Variants in TMEM178B observed in about 807,000 individuals in gnomAD.
TMEM178B encodes transmembrane protein 178B.
TMEM178B carries 5 observed loss-of-function variants against 31.0 expected under a neutral mutation model. That is an observed-to-expected ratio of 0.16 (90% CI 0.08 to 0.34). TMEM178B has a LOEUF of 0.34. Among genes scored for constraint, TMEM178B ranks in the 10% least tolerant of loss-of-function variants. The pLI is 1.00. For synonymous variants in TMEM178B, 164 were observed against 164.0 expected, an observed-to-expected ratio of 1.00 and a Z score of 0.00; for missense variants, 275 against 400.3, an observed-to-expected ratio of 0.69 and a Z score of 2.67.
At chr7:141,261,541 T>C (rs1006386396) in intron 2 of TMEM178B, among the ~76,000 whole-genome samples, 3 of 152,010 alleles carry the variant, frequency 2.0e-5, no homozygotes, top group Non-Finnish European at 4.4e-5. Flanking sequence ...TCGTTAGTCA[T>C]ATATGGTTTC....
Position 141,344,589 on chromosome 7 carries a change from T to C in TMEM178B, c.497-93019T>C, listed in dbSNP as rs1445408063. On this transcript the variant is annotated intron_variant, in intron 2 of 3. Transcript: ENST00000565468. The surrounding 1 kb of genome is among the most constrained non-coding windows in gnomAD (Gnocchi z 4.1). Reference sequence around the variant, plus strand: ...CCTCCCTCCTCCCTTCCTTCCTTCCTTCCTTCCTTCCTTCCTTCCTTCCTT... The same window carrying C: ...CCTCCCTCCTCCCTTCCTTCCTTCCCTCCTTCCTTCCTTCCTTCCTTCCTT... 3.2e-5 allele frequency among the ~76,000 whole-genome samples: 4 copies of C among 126,836 alleles called. No homozygotes were observed. The highest frequency in any genetic ancestry group is 6.4e-5 in the African/African-American group (2 of 31,410). 83.2% of individuals were successfully genotyped at this position (126,836 alleles called of 152,430 possible).
At chr7:141,183,201 GA>G (rs1796557951) in intron 1 of TMEM178B, among the ~76,000 whole-genome samples, 1 of 152,154 alleles carries the variant, frequency 6.6e-6, no homozygotes, top group Non-Finnish European at 1.5e-5. Flanking sequence ...ACCTCTTCCA[GA>G]CCTGAACTCT....
chr7:141,469,091 C>G (rs1802194875), intron 3 of TMEM178B, among the ~76,000 whole-genome samples: 1 of 152,242 alleles, frequency 6.6e-6, no homozygotes, highest in Admixed American at 6.5e-5. Flanking sequence ...CAGCCTCTTC[C>G]TATTGGCACA....
At chr7:141,088,599 T>G (rs1794826391) in intron 1 of TMEM178B, among the ~76,000 whole-genome samples, 1 of 152,222 alleles carries the variant, frequency 6.6e-6, no homozygotes, top group Non-Finnish European at 1.5e-5. Flanking sequence ...GCATCTTGCC[T>G]ATTGGATATC....
chr7:141,186,991 G>A (rs1027529069), intron 1 of TMEM178B, among the ~76,000 whole-genome samples: 1 of 151,766 alleles, frequency 6.6e-6, no homozygotes, highest in African/African-American at 2.4e-5. Context: ...TGCACAACGT[G>A]CAGGTTTGTT....
intron 1 of TMEM178B, among the ~76,000 whole-genome samples, chr7:141,158,142 C>T (rs1796104837): frequency 6.6e-6 from 1 of 152,210 alleles, no homozygotes; most frequent in African/African-American, 2.4e-5. Context: ...GTTGCCCAGG[C>T]TGGAGTGCAG....
chr7:141,493,015 G>A, the TMEM178B span, among the ~76,000 whole-genome samples: 21 of 152,138 alleles, frequency 1.4e-4, no homozygotes, highest in Admixed American at 1.4e-3. Context: ...AAATGTAATG[G>A]AAATTGCCAA....
At chr7:141,469,970 G>A (rs754854396) in intron 3 of TMEM178B, among the ~76,000 whole-genome samples, 11 of 152,164 alleles carry the variant, frequency 7.2e-5, no homozygotes, top group Non-Finnish European at 1.5e-4. Context: ...ATCTCATAGC[G>A]TTAGCACTCC....
chr7:141,201,358 C>T (rs1796874825), intron 1 of TMEM178B, among the ~76,000 whole-genome samples: 1 of 152,128 alleles, frequency 6.6e-6, no homozygotes, highest in Non-Finnish European at 1.5e-5. Context: ...CAGACTGAAC[C>T]TGGAGGATGG....
intron 1 of TMEM178B, among the ~76,000 whole-genome samples, chr7:141,100,065 C>A (rs962301688): frequency 6.6e-6 from 1 of 152,120 alleles, no homozygotes; most frequent in African/African-American, 2.4e-5. Flanking sequence ...GTGATCCGCC[C>A]GCCTTGGCCT....
intron 1 of TMEM178B, among the ~76,000 whole-genome samples, chr7:141,086,065 C>T (rs181103054): frequency 2.0e-4 from 31 of 152,192 alleles, no homozygotes; most frequent in African/African-American, 7.2e-4. Flanking sequence ...GAGACCGAGT[C>T]TTACTCTGTC....
intron 1 of TMEM178B, among the ~76,000 whole-genome samples, chr7:141,132,840 A>C (rs1422106570): frequency 1.3e-5 from 2 of 152,158 alleles, no homozygotes. Flanking sequence ...AAGGACTGAC[A>C]ATTTCAGTTC....
the TMEM178B span, among the ~76,000 whole-genome samples, chr7:141,510,707 A>G: frequency 7.3e-5 from 10 of 136,102 alleles, no homozygotes; most frequent in South Asian, 2.2e-4. Context: ...AAAAAAAAAA[A>G]AAAAAGAAAA....
chr7:141,079,135 A>C (rs1169825054), intron 1 of TMEM178B, among the ~76,000 whole-genome samples: 1 of 152,084 alleles, frequency 6.6e-6, no homozygotes, highest in Non-Finnish European at 1.5e-5. Context: ...AAAAATACAA[A>C]AATTAGCTGG....
chr7:141,115,035 TTG>T (rs141595860), intron 1 of TMEM178B, among the ~76,000 whole-genome samples: 118 of 147,706 alleles, frequency 8.0e-4, no homozygotes, highest in Non-Finnish European at 9.5e-4. Context: ...TCTGTGGGAT[TTG>T]TGTGTGTGTG....
chr7:141,221,549 A>G (rs1797257189), intron 2 of TMEM178B, among the ~76,000 whole-genome samples: 1 of 152,216 alleles, frequency 6.6e-6, no homozygotes, highest in Admixed American at 6.5e-5. Context: ...CTTTACAAGA[A>G]ATTTGGAATA....
intron 1 of TMEM178B, among the ~76,000 whole-genome samples, chr7:141,144,153 A>G (rs897642976): frequency 6.6e-6 from 1 of 152,192 alleles, no homozygotes; most frequent in African/African-American, 2.4e-5. Flanking sequence ...GTATAGAATC[A>G]TAGCGTCAGT....
intron 1 of TMEM178B, among the ~76,000 whole-genome samples, chr7:141,105,751 G>T (rs2129174412): frequency 6.6e-6 from 1 of 152,224 alleles, no homozygotes; most frequent in East Asian, 1.9e-4. Flanking sequence ...CCAGAAGTTT[G>T]CACAAGGTTC....
chr7:141,434,097 C>T lies in TMEM178B; in HGVS notation c.497-3511C>T, dbSNP rs368096659. Among the ~76,000 whole-genome samples, 7 of 152,230 alleles carry T rather than the reference C, an allele frequency of 4.6e-5. No individual in the cohort carries two copies. The East Asian group carries it at 7.7e-4, about 17-fold the overall frequency. On this transcript the variant is annotated intron_variant, in intron 2 of 3. Coordinates refer to ENST00000565468, the MANE Select transcript of TMEM178B (RefSeq NM_001195278.2). ...CATTTTGCTGCTGTTCTGCCTTTTC[C>T]TCTGTTTTCTTCTAAGTAAAACACT...
Sources: allele counts gnomAD v4.1 joint callset (sites outside exome capture counted in the v4.1 genomes callset), GRCh38; gene constraint gnomAD v4.1.1; non-coding constraint Gnocchi (gnomAD v3.1); transcripts MANE v1.5; gene names NCBI Gene and HGNC (gene_info 2026-07-23, HGNC 2026-07-21).